Variants in FAM156A observed in about 807,000 individuals in gnomAD.
The protein encoded by FAM156A is family with sequence similarity 156 member A, also known as protein FAM156A/FAM156B.
intron 1 of FAM156A, among the ~76,000 whole-genome samples, chrX:52,987,863 A>AT (rs1490499135): frequency 1.8e-5 from 2 of 111,646 alleles, no homozygotes; most frequent in Non-Finnish European, 3.8e-5. Context: ...ATGTCCTTCA[A>AT]TGGGTGCATG....
intron 1 of FAM156A, among the ~76,000 whole-genome samples, chrX:52,989,311 C>T (rs781809622): frequency 5.2e-4 from 58 of 111,975 alleles, no homozygotes; most frequent in African/African-American, 1.8e-3. Context: ...GAACTTCCCT[C>T]GCCTGACTGT....
chrX:52,990,592 C>T (rs1288567636), intron 1 of FAM156A, among the ~76,000 whole-genome samples: 2 of 109,820 alleles, frequency 1.8e-5, no homozygotes, highest in Non-Finnish European at 3.8e-5. Context: ...AAGTCCAGCC[C>T]GGCCATCATG....
At chrX:52,975,622 G>A (rs1556792009) in intron 1 of FAM156A, among the ~76,000 whole-genome samples, 1 of 111,536 alleles carries the variant, frequency 9.0e-6, no homozygotes, top group African/African-American at 3.3e-5. Context: ...CTGGGGGAGC[G>A]TTGAGTCTAA....
At chrX:52,992,974 TAGG>T (rs1396290233) in intron 1 of FAM156A, among the ~76,000 whole-genome samples, 1 of 111,822 alleles carries the variant, frequency 8.9e-6, no homozygotes, top group Non-Finnish European at 1.9e-5. Context: ...CGTGGCACAA[TAGG>T]AGGTCATCCC....
intron 1 of FAM156A, among the ~76,000 whole-genome samples, chrX:52,987,929 G>A (rs1930410291): frequency 8.9e-6 from 1 of 111,980 alleles, no homozygotes; most frequent in South Asian, 3.6e-4. Context: ...AAAAAAGAAG[G>A]AACTATTGAT....
At chrX:52,994,636 T>C (rs1361706476) in intron 1 of FAM156A, among the ~76,000 whole-genome samples, 1 of 110,453 alleles carries the variant, frequency 9.1e-6, no homozygotes, top group Non-Finnish European at 1.9e-5. Flanking sequence ...GACACCTACA[T>C]AGAGCTCTCA....
chrX:52,974,169 C>T (rs1447755091), intron 1 of FAM156A, among the ~76,000 whole-genome samples: 65 of 111,643 alleles, frequency 5.8e-4, no homozygotes, highest in African/African-American at 2.1e-3. Context: ...CAAATAGTAA[C>T]AATGTATTGT....
chrX:52,991,055 G>C (rs1250643488), intron 1 of FAM156A, among the ~76,000 whole-genome samples: 2 of 111,478 alleles, frequency 1.8e-5, no homozygotes, highest in Admixed American at 9.5e-5. Context: ...GTCTGGTACA[G>C]AATCACGGTG....
intron 1 of FAM156A, among the ~76,000 whole-genome samples, chrX:52,973,874 G>A (rs1217796329): frequency 9.0e-6 from 1 of 111,216 alleles, no homozygotes; most frequent in African/African-American, 3.3e-5. Flanking sequence ...ATGTTGCCCA[G>A]CCTGGTCATG....
chrX:52,986,056 T>C, intron 1 of FAM156A, among the ~76,000 whole-genome samples: 1 of 110,694 alleles, frequency 9.0e-6, no homozygotes, highest in East Asian at 2.8e-4. Context: ...GTCTTTGCTA[T>C]TGTGAATAGT....
chrX:52,979,452 C>T (rs1228658314), intron 1 of FAM156A, among the ~76,000 whole-genome samples: 1 of 110,960 alleles, frequency 9.0e-6, no homozygotes, highest in African/African-American at 3.3e-5. Context: ...GGACTTAGGA[C>T]CAATGTCTTC....
chrX:52,983,832 A>G (rs1930078208), intron 1 of FAM156A, among the ~76,000 whole-genome samples: 1 of 112,560 alleles, frequency 8.9e-6, no homozygotes, highest in Non-Finnish European at 1.9e-5. Flanking sequence ...AGTAACATTT[A>G]CCTCTCACAA....
At chrX:52,982,477 T>A (rs1195977725) in intron 1 of FAM156A, among the ~76,000 whole-genome samples, 1 of 111,563 alleles carries the variant, frequency 9.0e-6, no homozygotes, top group Non-Finnish European at 1.9e-5. Context: ...TAAATAATTT[T>A]AAAAAAGAAA....
At chrX:52,992,242 A>C (rs782606639) in intron 1 of FAM156A, among the ~76,000 whole-genome samples, 1 of 111,123 alleles carries the variant, frequency 9.0e-6, no homozygotes, top group African/African-American at 3.3e-5. Flanking sequence ...CAAAGCCCAC[A>C]TGTCCTGGGC....
intron 1 of FAM156A, among the ~76,000 whole-genome samples, chrX:52,978,984 T>C (rs2146601941): frequency 8.9e-6 from 1 of 112,480 alleles, no homozygotes; most frequent in East Asian, 2.8e-4. Context: ...GAGTCTCATG[T>C]AGTCCAAGGG....
chrX:52,980,851 T>TGTGTGTG (rs1356126923), intron 1 of FAM156A, among the ~76,000 whole-genome samples: 1 of 43,959 alleles, frequency 2.3e-5, no homozygotes, highest in Non-Finnish European at 4.5e-5. Context: ...TGTGTGTGTG[T>TGTGTGTG]AGAGGGAGAG....
At chrX:52,979,491 C>T (rs1929708123) in intron 1 of FAM156A, among the ~76,000 whole-genome samples, 1 of 111,070 alleles carries the variant, frequency 9.0e-6, no homozygotes, top group Non-Finnish European at 1.9e-5. Context: ...TGCCCCTCAC[C>T]TAAGGAGTTC....
At chrX:52,977,797 T>C (rs1393902855) in intron 1 of FAM156A, among the ~76,000 whole-genome samples, 1 of 111,719 alleles carries the variant, frequency 9.0e-6, no homozygotes, top group African/African-American at 3.3e-5. Flanking sequence ...GTGAATACTA[T>C]ACAAAAAATA....
intron 1 of FAM156A, among the ~76,000 whole-genome samples, chrX:52,986,103 C>T (rs965694201): frequency 4.5e-5 from 5 of 110,085 alleles, no homozygotes; most frequent in Admixed American, 9.8e-5. Flanking sequence ...GTCTTTGTAG[C>T]AGCATGATTT....
Sources: allele counts gnomAD v4.1 joint callset (sites outside exome capture counted in the v4.1 genomes callset), GRCh38; gene constraint gnomAD v4.1.1; transcripts MANE v1.5; gene names NCBI Gene and HGNC (gene_info 2026-07-23, HGNC 2026-07-21).